The following SNTG1 variants were observed in gnomAD, a reference collection of about 807,000 sequenced individuals.
The protein encoded by SNTG1 is gamma-1-syntrophin.
SNTG1 carries 39 observed loss-of-function variants against 74.7 expected under a neutral mutation model. That is an observed-to-expected ratio of 0.52 (90% CI 0.40 to 0.68). SNTG1 has a LOEUF of 0.68. Ranked by LOEUF, SNTG1 falls within the 30% of genes least tolerant of loss-of-function variation. The pLI is 0.00. For missense variants in SNTG1, 685 were observed against 609.5 expected (o/e 1.12, Z -1.30); for synonymous variants, 254 against 217.1 (o/e 1.17, Z -1.49).
At chr8:50,096,119 G>T (rs1275671112) in intron 1 of SNTG1, among the ~76,000 whole-genome samples, 1 of 151,984 alleles carries the variant, frequency 6.6e-6, no homozygotes, top group African/African-American at 2.4e-5. Context: ...ATTTGGTTTT[G>T]TTTCCTCTCC....
chr8:50,668,346 T>C (rs1313811447), intron 15 of SNTG1, among the ~76,000 whole-genome samples: 1 of 151,706 alleles, frequency 6.6e-6, no homozygotes, highest in Admixed American at 6.6e-5. Flanking sequence ...GTTTCAAAAT[T>C]TGTTTCATTG....
At chr8:50,781,128 G>A (rs1055550456) in intron 18 of SNTG1, among the ~76,000 whole-genome samples, 2 of 152,096 alleles carry the variant, frequency 1.3e-5, no homozygotes, top group African/African-American at 4.8e-5. Context: ...TTCCAACTAT[G>A]TGGTCAATTT....
At chr8:50,565,993 C>T (rs1033269211) in intron 12 of SNTG1, among the ~76,000 whole-genome samples, 1 of 151,746 alleles carries the variant, frequency 6.6e-6, no homozygotes, top group African/African-American at 2.4e-5. Context: ...TTTCACTTGT[C>T]TAGGGTAAAA....
intron 18 of SNTG1, among the ~76,000 whole-genome samples, chr8:50,758,936 C>T (rs2095589160): frequency 6.6e-6 from 1 of 151,952 alleles, no homozygotes; most frequent in Non-Finnish European, 1.5e-5. Context: ...ACACTCCCAT[C>T]AACATTGAAA....
intron 8 of SNTG1, among the ~76,000 whole-genome samples, chr8:50,468,756 C>A (rs2093628786): frequency 6.6e-6 from 1 of 152,114 alleles, no homozygotes; most frequent in Non-Finnish European, 1.5e-5. Flanking sequence ...TTTGAGTAAG[C>A]CCACTACATC....
At chr8:50,440,612 G>T (rs2093349488) in intron 5 of SNTG1, among the ~76,000 whole-genome samples, 1 of 152,076 alleles carries the variant, frequency 6.6e-6, no homozygotes, top group Admixed American at 6.6e-5. Flanking sequence ...CAGTTTTCAG[G>T]AGCAATTTGA....
chr8:50,294,494 G>T (rs1440171448), intron 2 of SNTG1, among the ~76,000 whole-genome samples: 2 of 152,136 alleles, frequency 1.3e-5, no homozygotes, highest in Non-Finnish European at 2.9e-5. Context: ...AGACCATCAG[G>T]CTAGAGACCT....
At chr8:50,162,021 G>A (rs1449300031) in intron 1 of SNTG1, among the ~76,000 whole-genome samples, 1 of 152,084 alleles carries the variant, frequency 6.6e-6, no homozygotes, top group African/African-American at 2.4e-5. Context: ...AGAGGAAGGA[G>A]GAAGAGCAAG....
intron 18 of SNTG1, among the ~76,000 whole-genome samples, chr8:50,780,240 C>G (rs759072933): frequency 2.3e-4 from 35 of 152,150 alleles, no homozygotes; most frequent in Non-Finnish European, 4.9e-4. Flanking sequence ...GGAGGATTCC[C>G]TCTTTTTCTA....
intron 2 of SNTG1, among the ~76,000 whole-genome samples, chr8:50,320,163 T>A (rs953331161): frequency 2.0e-5 from 3 of 152,180 alleles, no homozygotes; most frequent in Non-Finnish European, 4.4e-5. Context: ...ACTGGGAGAC[T>A]TTTTATTAAG....
At chr8:49,996,478 C>G (rs1025258206) in intron 1 of SNTG1, among the ~76,000 whole-genome samples, 2 of 151,912 alleles carry the variant, frequency 1.3e-5, no homozygotes, top group African/African-American at 4.8e-5. Flanking sequence ...TAATTTTATC[C>G]AAAAGCCTCA....
intron 15 of SNTG1, among the ~76,000 whole-genome samples, chr8:50,665,569 G>A (rs1483282373): frequency 6.6e-6 from 1 of 152,090 alleles, no homozygotes; most frequent in Non-Finnish European, 1.5e-5. Flanking sequence ...CCAGAACTCT[G>A]TAGAGAAATG....
At chr8:50,190,428 T>C (rs1214255992) in intron 2 of SNTG1, among the ~76,000 whole-genome samples, 1 of 152,174 alleles carries the variant, frequency 6.6e-6, no homozygotes, top group Non-Finnish European at 1.5e-5. Context: ...TTAAGTCTAT[T>C]GTTGATAACA....
At chr8:50,530,120 A>T in intron 9 of SNTG1, 57 bp from the exon 10 acceptor site, 1 of 1,356,750 alleles carries the variant, frequency 7.4e-7, no homozygotes, top group Non-Finnish European at 1.1e-6. Flanking sequence ...GGAATGCATC[A>T]GTTTAGAAGG....
intron 1 of SNTG1, among the ~76,000 whole-genome samples, chr8:49,955,203 T>C (rs960744080): frequency 6.6e-6 from 1 of 152,260 alleles, no homozygotes; most frequent in Non-Finnish European, 1.5e-5. Flanking sequence ...ATACATTCAG[T>C]TATCTCCTAA....
In SNTG1 at chr8:50,752,125, A is replaced by T; in HGVS notation, c.1395+14A>T. 7.0e-7 allele frequency: 1 copy of T among 1,429,294 alleles called. No individual in the cohort carries two copies. Among genetic ancestry groups the T allele is most frequent in the Middle Eastern group, 1.8e-4 (1 of 5,488 alleles). 88.5% of individuals were successfully genotyped at this position (1,429,294 alleles called of 1,614,324 possible). On this transcript the variant is annotated intron_variant, in intron 18 of 18. Coordinates refer to ENST00000642720, the MANE Select transcript of SNTG1 (RefSeq NM_018967.5). Reference sequence around the variant, plus strand: ...ATTGAAGCAAAGGTAAACCCAAGAAATTCATCACATAACACCTCTAACTAC... The same window carrying T: ...ATTGAAGCAAAGGTAAACCCAAGAATTTCATCACATAACACCTCTAACTAC...
At chr8:49,988,200 A>C (rs928186417) in intron 1 of SNTG1, among the ~76,000 whole-genome samples, 4 of 152,120 alleles carry the variant, frequency 2.6e-5, no homozygotes, top group African/African-American at 9.7e-5. Context: ...AGGGGATAAA[A>C]ATGGGCGTGC....
intron 18 of SNTG1, among the ~76,000 whole-genome samples, chr8:50,783,691 T>C: frequency 6.6e-6 from 1 of 152,176 alleles, no homozygotes; most frequent in Non-Finnish European, 1.5e-5. Flanking sequence ...TTGTGCACGG[T>C]GCGCTGCACC....
chr8:50,739,943 C>G (rs926812859), intron 17 of SNTG1, among the ~76,000 whole-genome samples: 1 of 151,866 alleles, frequency 6.6e-6, no homozygotes, highest in African/African-American at 2.4e-5. Flanking sequence ...AATTGGACCC[C>G]TTTTTTTGCA....
Sources: allele counts gnomAD v4.1 joint callset (sites outside exome capture counted in the v4.1 genomes callset), GRCh38; gene constraint gnomAD v4.1.1; transcripts MANE v1.5; gene names NCBI Gene and HGNC (gene_info 2026-07-23, HGNC 2026-07-21).